Variants in H2BC11 observed in about 807,000 individuals in gnomAD.
H2BC11 encodes the protein histone H2B type 1-J.
H2BC11 carries 7 observed loss-of-function variants against 6.0 expected under a neutral mutation model. The observed-to-expected ratio is 1.16, with a 90% CI of 0.66 to 2.19. The LOEUF (loss-of-function observed/expected upper bound fraction) is 2.19, where lower values mean the gene tolerates loss of function less well. H2BC11 is among the 30% of genes most tolerant of loss of function. The pLI, the probability that H2BC11 is intolerant of heterozygous loss-of-function variation, is 0.00. For missense variants in H2BC11, 215 were observed against 170.3 expected, an observed-to-expected ratio of 1.26 and a Z score of -1.46; for synonymous variants, 127 against 72.0, an observed-to-expected ratio of 1.77 and a Z score of -3.87.
rs1239817177 is a variant in H2BC11, at chr6:27,132,663, G to C, written c.88C>G (p.Arg30Gly). 3 of 1,614,110 alleles carry C rather than the reference G, an allele frequency of 1.9e-6. No homozygotes were observed. In the Admixed American group the frequency reaches 5.0e-5, roughly 27 times the overall value. Residue 30 changes from arginine (R) to glycine (G), a missense_variant, in exon 1 of 1, where the codon CGC (arginine) becomes GGC (glycine). Arg to Gly is a moderately radical substitution (Grantham distance 125, BLOSUM62 -2). Transcript: ENST00000339812. Reference protein sequence around the residue: ...TKAQKKDGKKRKRSRKESYSI... With the variant: ...TKAQKKDGKKGKRSRKESYSI... ...TAGCTCTCCTTGCGGCTGCGCTTGC[G>C]CTTCTTGCCGTCTTTCTTCTGCGCC...
In H2BC11 at chr6:27,132,727, A is replaced by AAG. The variant is rs1288878005; in HGVS notation, c.23_24insCT (p.Pro9PhefsTer12). On this transcript the variant is annotated frameshift_variant, in exon 1 of 1. Transcript: ENST00000339812. LOFTEE classifies it high-confidence loss of function. ...TCTTGGAGCCCTTTTTCGGGGCGGGAGCAGACTTCGCTGGCTCTGGCATAG... is the reference window on the plus strand; with the variant it reads ...TCTTGGAGCCCTTTTTCGGGGCGGGAAGGCAGACTTCGCTGGCTCTGGCATAG... The AAG allele has an allele frequency of 6.2e-7, 1 of 1,613,798 alleles. No homozygotes were observed. Among genetic ancestry groups the AAG allele is most frequent in the Admixed American group, 1.7e-5 (1 of 59,956 alleles).
In H2BC11 at chr6:27,132,468, T is replaced by C. The variant is rs760767378; in HGVS notation, c.283A>G (p.Ile95Val). ...NKRSTITSREIQTAVRLLLPG... is the reference protein window; with the variant it reads ...NKRSTITSREVQTAVRLLLPG... ...AGCAGCAGGCGCACGGCCGTCTGGA[T>C]CTCCCTGGAGGTGATGGTCGAGCGC... Residue 95 changes from isoleucine to valine, a missense_variant, in exon 1 of 1, where the codon ATC (isoleucine) becomes GTC (valine). Physicochemically the swap from Ile to Val is conservative, Grantham distance 29. Coordinates refer to ENST00000339812, the MANE Select transcript of H2BC11 (RefSeq NM_021058.4). 5 of 1,614,188 alleles carry C rather than the reference T, an allele frequency of 3.1e-6. No individual in the cohort carries two copies. Among genetic ancestry groups the C allele is most frequent in the Non-Finnish European group, 4.2e-6 (5 of 1,180,034 alleles).
chr6:27,132,452 C>A lies in H2BC11; in HGVS notation c.299G>T (p.Arg100Leu), dbSNP rs768450363. ...GGCCAACTCCCCAGGCAGCAGCAGG[C>A]GCACGGCCGTCTGGATCTCCCTGGA... ...ITSREIQTAV[R>L]LLLPGELAKH... Residue 100 changes from arginine (R) to leucine (L), a missense_variant, in exon 1 of 1, where the codon CGC (arginine) becomes CTC (leucine). Arg to Leu is a moderately radical substitution (Grantham distance 102). Coordinates refer to ENST00000339812, the MANE Select transcript of H2BC11 (RefSeq NM_021058.4). 1 of 1,614,228 alleles carries A rather than the reference C, an allele frequency of 6.2e-7. No homozygotes were observed. The highest frequency in any genetic ancestry group is 8.5e-7 in the Non-Finnish European group (1 of 1,180,044).
At position 27,132,448 on chromosome 6, in the gene H2BC11, C is replaced by G; in HGVS notation, c.303G>C (p.Leu101=). ...TSREIQTAVR[L]LLPGELAKHA... ...GCTTGGCCAACTCCCCAGGCAGCAG[C>G]AGGCGCACGGCCGTCTGGATCTCCC... The change falls in exon 1 of 1, where the codon CTG becomes CTC. Residue 101 remains leucine (L), a synonymous_variant. Transcript: ENST00000339812. 6.2e-7 allele frequency: 1 copy of G among 1,614,228 alleles called. No individual in the cohort carries two copies. Among genetic ancestry groups the G allele is most frequent in the Non-Finnish European group, 8.5e-7 (1 of 1,180,040 alleles).
chr6:27,132,709 G>A lies in H2BC11; in HGVS notation c.42C>T (p.Gly14=), dbSNP rs149297601. Residue 14 remains glycine (G), a synonymous_variant, in exon 1 of 1, where the codon GGC becomes GGT. Coordinates refer to ENST00000339812, the MANE Select transcript of H2BC11 (RefSeq NM_021058.4). The part of the protein sequence containing the change: ...PAKSAPAPKK[G]SKKAVTKAQK... ...GCGCCTTAGTCACCGCCTTCTTGGA[G>A]CCCTTTTTCGGGGCGGGAGCAGACT... 463 of 1,614,054 alleles carry A rather than the reference G, an allele frequency of 2.9e-4. No homozygotes were observed. The highest frequency in any genetic ancestry group is 3.7e-4 in the Non-Finnish European group (440 of 1,180,044).
In H2BC11 at chr6:27,132,646, C is replaced by T. The variant is rs991571339; in HGVS notation, c.105G>A (p.Lys35=). The T allele has an allele frequency of 3.7e-6, 6 of 1,614,138 alleles. No individual in the cohort carries two copies. The highest frequency in any genetic ancestry group is 2.2e-5 in the South Asian group (2 of 91,092). The part of the protein sequence containing the change: ...KDGKKRKRSR[K]ESYSIYVYKV... Reference sequence around the variant, plus strand: ...TGTACACATAGATGGAATAGCTCTCCTTGCGGCTGCGCTTGCGCTTCTTGC... The same window carrying T: ...TGTACACATAGATGGAATAGCTCTCTTTGCGGCTGCGCTTGCGCTTCTTGC... The change falls in exon 1 of 1, where the codon AAG becomes AAA. Residue 35 remains lysine (K), a synonymous_variant. Transcript: ENST00000339812.
At position 27,132,664 on chromosome 6, in the gene H2BC11, C is replaced by T. The variant is rs2113636205; in HGVS notation, c.87G>A (p.Lys29=). The change falls in exon 1 of 1, where the codon AAG becomes AAA. Residue 29 remains lysine (K), a synonymous_variant. Coordinates refer to ENST00000339812, the MANE Select transcript of H2BC11 (RefSeq NM_021058.4). ...VTKAQKKDGK[K]RKRSRKESYS... is the part of the protein sequence containing the mutation. ...AGCTCTCCTTGCGGCTGCGCTTGCG[C>T]TTCTTGCCGTCTTTCTTCTGCGCCT... 1 of 1,614,238 alleles carries T rather than the reference C, an allele frequency of 6.2e-7. No individual in the cohort carries two copies. The highest frequency in any genetic ancestry group is 8.5e-7 in the Non-Finnish European group (1 of 1,180,042).
chr6:27,132,337 G>A lies in H2BC11; in HGVS notation c.*33C>T, dbSNP rs764367048. ...AACATGGGTGGCTCTTAAAAGAGCC[G>A]TTAGGGTTGAGAGTTTGCAACCAAC... On this transcript the variant is annotated 3_prime_UTR_variant, in exon 1 of 1. Coordinates refer to ENST00000339812, the MANE Select transcript of H2BC11 (RefSeq NM_021058.4). 2.1e-5 allele frequency: 34 copies of A among 1,612,604 alleles called. No individual in the cohort carries two copies. The East Asian group carries it at 4.0e-4, about 19-fold the overall frequency.
rs752076290 is a variant in H2BC11 at position 27,132,793 on chromosome 6, C to A, written c.-43G>T. ...AAGCGCCAACGAAAAGGAAAAACAG[C>A]GTGAGCAGGGTATGACAAGGCGCTT... On this transcript the variant is annotated 5_prime_UTR_variant, in exon 1 of 1. Coordinates refer to ENST00000339812, the MANE Select transcript of H2BC11 (RefSeq NM_021058.4). The A allele has an allele frequency of 2.3e-5, 36 of 1,589,960 alleles. 1 individual carries two copies. The highest frequency in any genetic ancestry group is 1.7e-4 in the Middle Eastern group (1 of 5,882).
rs748831806 is a variant in H2BC11 at position 27,132,741 on chromosome 6, G to A, written c.10C>T (p.Pro4Ser). 5.2e-5 allele frequency: 84 copies of A among 1,614,036 alleles called. No individual in the cohort carries two copies. The highest frequency in any genetic ancestry group is 1.7e-4 in the Middle Eastern group (1 of 6,060). MPE[P>S]AKSAPAPKKG... Reference sequence around the variant, plus strand: ...TTCGGGGCGGGAGCAGACTTCGCTGGCTCTGGCATAGCACTGTGTAGCTAT... The same window carrying A: ...TTCGGGGCGGGAGCAGACTTCGCTGACTCTGGCATAGCACTGTGTAGCTAT... Residue 4 changes from proline (P) to serine (S), a missense_variant, in exon 1 of 1, where the codon CCA (proline) becomes TCA (serine). Transcript: ENST00000339812.
Position 27,132,673 on chromosome 6 carries a change from GTCTT to G in H2BC11, c.74_77del (p.Lys25ThrfsTer21), listed in dbSNP as rs1447372408. The stretch of plus-strand genomic sequence containing the variant: ...TGCGGCTGCGCTTGCGCTTCTTGCC[GTCTT>G]TCTTCTGCGCCTTAGTCACCGCCTT... On this transcript the variant is annotated frameshift_variant, in exon 1 of 1. Transcript: ENST00000339812. LOFTEE classifies it high-confidence loss of function. 6.2e-7 allele frequency: 1 copy of G among 1,614,134 alleles called. No homozygotes were observed. Among genetic ancestry groups the G allele is most frequent in the African/African-American group, 1.3e-5 (1 of 74,946 alleles).
In H2BC11 at chr6:27,132,663, G is replaced by A. The variant is rs1239817177; in HGVS notation, c.88C>T (p.Arg30Cys). 5 of 1,614,228 alleles carry A rather than the reference G, an allele frequency of 3.1e-6. No individual in the cohort carries two copies. The highest frequency in any genetic ancestry group is 4.2e-6 in the Non-Finnish European group (5 of 1,180,044). Residue 30 changes from arginine to cysteine, a missense_variant, in exon 1 of 1, where the codon CGC (arginine) becomes TGC (cysteine). By Grantham distance (180) the Arg-to-Cys change is radical (BLOSUM62 -3). Transcript: ENST00000339812. ...TAGCTCTCCTTGCGGCTGCGCTTGC[G>A]CTTCTTGCCGTCTTTCTTCTGCGCC... ...TKAQKKDGKK[R>C]KRSRKESYSI...
rs757747752 is a variant in H2BC11, at chr6:27,132,740, G to A, written c.11C>T (p.Pro4Leu). 51 of 1,613,926 alleles carry A rather than the reference G, an allele frequency of 3.2e-5. No individual in the cohort carries two copies. The highest frequency in any genetic ancestry group is 4.4e-5 in the South Asian group (4 of 91,088). The part of the protein sequence containing the change: MPE[P>L]AKSAPAPKKG... The stretch of plus-strand genomic sequence containing the variant: ...TTTCGGGGCGGGAGCAGACTTCGCT[G>A]GCTCTGGCATAGCACTGTGTAGCTA... Residue 4 changes from proline (P) to leucine (L), a missense_variant, in exon 1 of 1, where the codon CCA becomes CTA. Coordinates refer to ENST00000339812, the MANE Select transcript of H2BC11 (RefSeq NM_021058.4).
chr6:27,132,773 C>A lies in H2BC11; in HGVS notation c.-23G>T, dbSNP rs1326375619. The A allele has an allele frequency of 1.3e-6, 2 of 1,595,474 alleles. No homozygotes were observed. Among genetic ancestry groups the A allele is most frequent in the Admixed American group, 1.9e-5 (1 of 54,018 alleles). Reference sequence around the variant, plus strand: ...CATAGCACTGTGTAGCTATAAAGCGCCAACGAAAAGGAAAAACAGCGTGAG... The same window carrying A: ...CATAGCACTGTGTAGCTATAAAGCGACAACGAAAAGGAAAAACAGCGTGAG... On this transcript the variant is annotated 5_prime_UTR_variant, in exon 1 of 1. Coordinates refer to ENST00000339812, the MANE Select transcript of H2BC11 (RefSeq NM_021058.4).
chr6:27,132,514 G>A lies in H2BC11; in HGVS notation c.237C>T (p.Ser79=), dbSNP rs369739205. The change falls in exon 1 of 1, where the codon TCC becomes TCT. Residue 79 remains serine (S), a synonymous_variant. Transcript: ENST00000339812. ...AGCGCTTGTTGTAATGCGCCAGGCG[G>A]GAAGCCTCACCTGCGATGCGCTCGA... ...DIFERIAGEA[S]RLAHYNKRST... is the part of the protein sequence containing the mutation. 76 of 1,614,146 alleles carry A rather than the reference G, an allele frequency of 4.7e-5. 1 individual carries two copies. The highest frequency in any genetic ancestry group is 3.3e-4 in the Middle Eastern group (2 of 6,084).
In H2BC11 at chr6:27,132,682, C is replaced by A. The variant is rs563862347; in HGVS notation, c.69G>T (p.Gln23His). 2 of 1,614,228 alleles carry A rather than the reference C, an allele frequency of 1.2e-6. No homozygotes were observed. The highest frequency in any genetic ancestry group is 2.2e-5 in the East Asian group (1 of 44,886). Residue 23 changes from glutamine (Q) to histidine (H), a missense_variant, in exon 1 of 1, where the codon CAG becomes CAT. Transcript: ENST00000339812. ...GCTTGCGCTTCTTGCCGTCTTTCTT[C>A]TGCGCCTTAGTCACCGCCTTCTTGG... Reference protein sequence around the residue: ...KGSKKAVTKAQKKDGKKRKRS... With the variant: ...KGSKKAVTKAHKKDGKKRKRS...
chr6:27,132,758 T>C lies in H2BC11; in HGVS notation c.-8A>G, dbSNP rs752742188. The C allele has an allele frequency of 9.9e-6, 16 of 1,609,822 alleles. No homozygotes were observed. In the Admixed American group the frequency reaches 1.9e-4, roughly 19 times the overall value. On this transcript the variant is annotated 5_prime_UTR_variant, in exon 1 of 1. Coordinates refer to ENST00000339812, the MANE Select transcript of H2BC11 (RefSeq NM_021058.4). Reference sequence around the variant, plus strand: ...CTTCGCTGGCTCTGGCATAGCACTGTGTAGCTATAAAGCGCCAACGAAAAG... The same window carrying C: ...CTTCGCTGGCTCTGGCATAGCACTGCGTAGCTATAAAGCGCCAACGAAAAG...
At position 27,132,659 on chromosome 6, in the gene H2BC11, T is replaced by A; in HGVS notation, c.92A>T (p.Lys31Met). The A allele has an allele frequency of 6.2e-7, 1 of 1,614,272 alleles. No individual in the cohort carries two copies. Among genetic ancestry groups the A allele is most frequent in the Non-Finnish European group, 8.5e-7 (1 of 1,180,042 alleles). ...KAQKKDGKKRKRSRKESYSIY... is the reference protein window; with the variant it reads ...KAQKKDGKKRMRSRKESYSIY... The stretch of plus-strand genomic sequence containing the variant: ...GGAATAGCTCTCCTTGCGGCTGCGC[T>A]TGCGCTTCTTGCCGTCTTTCTTCTG... Residue 31 changes from lysine (K) to methionine (M), a missense_variant, in exon 1 of 1, where the codon AAG (lysine) becomes ATG (methionine). By Grantham distance (95) the Lys-to-Met change is moderately conservative. Transcript: ENST00000339812.
At position 27,132,565 on chromosome 6, in the gene H2BC11, G is replaced by A. The variant is rs1759853951; in HGVS notation, c.186C>T (p.Ile62=). The stretch of plus-strand genomic sequence containing the variant: ...AAATGTCGTTCACAAACGAATTCAT[G>A]ATGCCCATGGCCTTGGACGAAATGC... ...DTGISSKAMG[I]MNSFVNDIFE... The change falls in exon 1 of 1, where the codon ATC becomes ATT. Residue 62 remains isoleucine, a synonymous_variant. Transcript: ENST00000339812. 1 of 1,614,102 alleles carries A rather than the reference G, an allele frequency of 6.2e-7. No individual in the cohort carries two copies. Among genetic ancestry groups the A allele is most frequent in the Admixed American group, 1.7e-5 (1 of 59,996 alleles).
Sources: gnomAD v4.1 joint callset for allele counts on GRCh38, gnomAD v4.1.1 for gene constraint, MANE v1.5 for transcripts, NCBI Gene and HGNC (gene_info 2026-07-23, HGNC 2026-07-21) for gene names.